CELF4: variants seen among roughly 807,000 people sequenced by gnomAD.
CELF4 encodes CUG-BP- and ETR-3-like factor 4.
A neutral mutation model predicts 59.9 loss-of-function variants in CELF4; 18 were observed. The observed-to-expected ratio is 0.30, with a 90% CI of 0.21 to 0.45. The LOEUF (loss-of-function observed/expected upper bound fraction) is 0.45. CELF4 is among the 20% of genes least tolerant of loss of function. CELF4 has a pLI of 1.00. For missense variants in CELF4, 456 were observed against 689.0 expected (o/e 0.66, Z 3.79); for synonymous variants, 261 against 267.1 (o/e 0.98, Z 0.22).
At chr18:37,415,739 A>C (rs1414728642) in intron 2 of CELF4, among the ~76,000 whole-genome samples, 1 of 152,162 alleles carries the variant, frequency 6.6e-6, no homozygotes, top group African/African-American at 2.4e-5. Flanking sequence ...GCAGGTTGGG[A>C]AGATTAAAAA....
At chr18:37,415,849 C>A (rs2099523388) in intron 2 of CELF4, among the ~76,000 whole-genome samples, 1 of 152,194 alleles carries the variant, frequency 6.6e-6, no homozygotes, top group Admixed American at 6.5e-5. Flanking sequence ...GGACAGAACA[C>A]ATTCATTATC....
intron 2 of CELF4, among the ~76,000 whole-genome samples, chr18:37,383,492 C>A (rs2099065390): frequency 6.6e-6 from 1 of 152,222 alleles, no homozygotes; most frequent in Admixed American, 6.5e-5. Flanking sequence ...AGTTTTGATG[C>A]TTGAAGGAGG....
chr18:37,382,486 T>C (rs648005), intron 2 of CELF4, among the ~76,000 whole-genome samples: 75,108 of 151,996 alleles, frequency 0.49, 19,306 homozygotes, highest in East Asian at 0.7. Flanking sequence ...CTCTTCACCA[T>C]GTATCCTGGG....
At chr18:37,501,782 G>A (rs1415732375) in intron 1 of CELF4, among the ~76,000 whole-genome samples, 7 of 152,220 alleles carry the variant, frequency 4.6e-5, no homozygotes, top group African/African-American at 7.2e-5. Context: ...TGTGGGACTC[G>A]GAGGAGCAGT....
At chr18:37,515,160 G>C (rs550297669) in intron 1 of CELF4, among the ~76,000 whole-genome samples, 31 of 152,192 alleles carry the variant, frequency 2.0e-4, no homozygotes, top group Non-Finnish European at 3.2e-4. Flanking sequence ...TCATCAAGCA[G>C]GCTTGCTGTT....
At chr18:37,373,684 C>T (rs2098930879) in intron 2 of CELF4, among the ~76,000 whole-genome samples, 1 of 152,212 alleles carries the variant, frequency 6.6e-6, no homozygotes, top group Non-Finnish European at 1.5e-5. Context: ...GTCCCAAAAC[C>T]TCCCTGCCAG....
rs574763631 is a variant in CELF4, at chr18:37,321,742, C to G, written c.448+61G>C. The G allele has an allele frequency of 1.5e-5, 18 of 1,237,496 alleles. No homozygotes were observed. In the East Asian group the frequency reaches 2.2e-4, roughly 15 times the overall value. 76.7% of individuals were successfully genotyped at this position (1,237,496 alleles called of 1,614,324 possible). A position where few individuals can be genotyped will look rare whatever the true frequency, so the allele number is the denominator to read the frequency against. On this transcript the variant is annotated intron_variant, in intron 3 of 12. Coordinates refer to ENST00000420428, the MANE Select transcript of CELF4 (RefSeq NM_020180.4). ...GAGTCGCTGCATCGCCTTGCTGCGT[C>G]GGGAAAAGGAGGGAGGAGTGAGAGG...
intron 1 of CELF4, among the ~76,000 whole-genome samples, chr18:37,530,043 A>G (rs1445138202): frequency 6.6e-6 from 1 of 152,204 alleles, no homozygotes; most frequent in African/African-American, 2.4e-5. Flanking sequence ...AGCACTGCTG[A>G]ACTTTTGTAT....
intron 2 of CELF4, among the ~76,000 whole-genome samples, chr18:37,392,591 A>G (rs1046351196): frequency 6.6e-6 from 1 of 152,204 alleles, no homozygotes; most frequent in African/African-American, 2.4e-5. Flanking sequence ...CTTTGTGCCC[A>G]CAAGCAAAGT....
At chr18:37,539,648 C>T (rs1256083539) in intron 1 of CELF4, among the ~76,000 whole-genome samples, 1 of 152,166 alleles carries the variant, frequency 6.6e-6, no homozygotes, top group African/African-American at 2.4e-5. Flanking sequence ...CAATGCTCTC[C>T]GCACTGTTTG....
intron 1 of CELF4, among the ~76,000 whole-genome samples, chr18:37,530,954 G>A (rs1284199871): frequency 1.3e-5 from 2 of 152,044 alleles, no homozygotes; most frequent in Admixed American, 1.3e-4. Context: ...GAACCCTGAT[G>A]CTGCCAGTAG....
chr18:37,384,521 G>A (rs183216696), intron 2 of CELF4, among the ~76,000 whole-genome samples: 1 of 152,120 alleles, frequency 6.6e-6, no homozygotes, highest in East Asian at 1.9e-4. Context: ...GGAAAGCACC[G>A]AGACTCAGCA....
At chr18:37,284,727 T>C (rs897524688) in intron 3 of CELF4, among the ~76,000 whole-genome samples, 12 of 152,170 alleles carry the variant, frequency 7.9e-5, no homozygotes, top group Admixed American at 2.0e-4. Flanking sequence ...ACAAGAAGAA[T>C]CACAATGGTT....
chr18:37,252,203 G>C (rs776187436), intron 12 of CELF4, among the ~76,000 whole-genome samples: 1 of 152,118 alleles, frequency 6.6e-6, no homozygotes, highest in Non-Finnish European at 1.5e-5. Context: ...TCACATGCCT[G>C]ATCTTTCTCC....
chr18:37,421,588 C>T (rs1255310938), intron 2 of CELF4, among the ~76,000 whole-genome samples: 1 of 152,246 alleles, frequency 6.6e-6, no homozygotes, highest in Non-Finnish European at 1.5e-5. Context: ...AGACAGTGAC[C>T]TGCTGCCTGC....
At chr18:37,505,165 C>T (rs1365897565) in intron 1 of CELF4, among the ~76,000 whole-genome samples, 1 of 151,870 alleles carries the variant, frequency 6.6e-6, no homozygotes, top group South Asian at 2.1e-4. Flanking sequence ...GAAGTGAGGT[C>T]CTCATATGAC....
At position 37,405,335 on chromosome 18, in the gene CELF4, C is replaced by T. The variant is rs2099374663; in HGVS notation, c.369+80190G>A. On this transcript the variant is annotated intron_variant, in intron 2 of 12. Transcript: ENST00000420428. ...ATCTCCCCCACCCTCCTGCCCTTGC[C>T]CCTTCCTCTGCTAGTTCAGATCTCT... Among the ~76,000 whole-genome samples the T allele has an allele frequency of 2.6e-5, 4 of 152,210 alleles. No homozygotes were observed. In the South Asian group the frequency reaches 8.3e-4, roughly 32 times the overall value.
chr18:37,447,880 C>G (rs1353342874), intron 2 of CELF4, among the ~76,000 whole-genome samples: 1 of 152,198 alleles, frequency 6.6e-6, no homozygotes, highest in Non-Finnish European at 1.5e-5. Flanking sequence ...ACCCTAACAG[C>G]CAGATGGCCA....
chr18:37,290,210 C>T (rs566371202), intron 3 of CELF4, among the ~76,000 whole-genome samples: 1 of 152,194 alleles, frequency 6.6e-6, no homozygotes, highest in Non-Finnish European at 1.5e-5. Flanking sequence ...TGTCCATGCA[C>T]AGCAGCTGGA....
Sources: gnomAD v4.1 joint callset for allele counts (sites outside exome capture counted in the v4.1 genomes callset) on GRCh38, gnomAD v4.1.1 for gene constraint, MANE v1.5 for transcripts, NCBI Gene and HGNC (gene_info 2026-07-23, HGNC 2026-07-21) for gene names.